KIRREL3: variants seen among roughly 807,000 people sequenced by gnomAD.
KIRREL3 encodes the protein kirre like nephrin family adhesion molecule 3.
Under a neutral mutation model 89.7 loss-of-function variants are expected in KIRREL3, and 36 were observed. The ratio of observed to expected loss-of-function variants is 0.40; its 90% confidence interval spans 0.31 to 0.53. The LOEUF (loss-of-function observed/expected upper bound fraction) is 0.53, where lower values mean the gene tolerates loss of function less well. Among genes scored for constraint, KIRREL3 ranks in the 20% least tolerant of loss-of-function variants. The probability of loss-of-function intolerance (pLI) is 0.49; values close to 1 mark genes in which losing one functional copy is unlikely to be tolerated. For synonymous variants in KIRREL3, 445 were observed against 441.4 expected (o/e 1.01, Z -0.10); for missense variants, 864 against 1,056.6 (o/e 0.82, Z 2.53).
chr11:126,840,151 G>C (rs143893325), intron 1 of KIRREL3, among the ~76,000 whole-genome samples: 4 of 152,332 alleles, frequency 2.6e-5, no homozygotes, highest in Non-Finnish European at 5.9e-5. Flanking sequence ...TGGAGATGCA[G>C]AGTTTGAGCA....
rs1949018494 is a variant in KIRREL3, at chr11:126,742,605, A to T, written c.56-179693T>A. Among the ~76,000 whole-genome samples the T allele has an allele frequency of 6.6e-6, 1 of 152,196 alleles. No individual in the cohort carries two copies. Among genetic ancestry groups the T allele is most frequent in the Non-Finnish European group, 1.5e-5 (1 of 68,024 alleles). On this transcript the variant is annotated intron_variant, in intron 1 of 16. Coordinates refer to ENST00000525144, the MANE Select transcript of KIRREL3 (RefSeq NM_032531.4). This position sits in a 1 kb window ranked among gnomAD's most constrained non-coding sequence, Gnocchi z 5.3. ...AACCAAGGTTCAGAGAGGGCAAGTGACTTGTCAAGGTCACATAGCCAGTAC... is the reference window on the plus strand; with the variant it reads ...AACCAAGGTTCAGAGAGGGCAAGTGTCTTGTCAAGGTCACATAGCCAGTAC...
In KIRREL3 at chr11:126,489,157, A is replaced by G. The variant is rs1056404382; in HGVS notation, c.434-15691T>C. ...GGACCTCAGCATGGGGCTGAGCAGGACGGAAGCTGTAGATGGATGCGCTGC... is the reference window on the plus strand; with the variant it reads ...GGACCTCAGCATGGGGCTGAGCAGGGCGGAAGCTGTAGATGGATGCGCTGC... On this transcript the variant is annotated intron_variant, in intron 4 of 16. Coordinates refer to ENST00000525144, the MANE Select transcript of KIRREL3 (RefSeq NM_032531.4). The surrounding 1 kb of genome is among the most constrained non-coding windows in gnomAD (Gnocchi z 5.5). Among the ~76,000 whole-genome samples, 1 of 152,106 alleles carries G rather than the reference A, an allele frequency of 6.6e-6. No individual in the cohort carries two copies. The highest frequency in any genetic ancestry group is 1.5e-5 in the Non-Finnish European group (1 of 68,016).
rs1288619690 is a variant in KIRREL3, at chr11:126,653,866, A to C, written c.56-90954T>G. Among the ~76,000 whole-genome samples the C allele has an allele frequency of 1.3e-5, 2 of 152,166 alleles. No individual in the cohort carries two copies. The highest frequency in any genetic ancestry group is 2.9e-5 in the Non-Finnish European group (2 of 68,018). ...GAAAATGTCACCTTTGTTCCTCTAT[A>C]GCCATTTTTAGTTGCACCAAAGGGG... is the stretch of plus-strand genomic sequence containing the variant. On this transcript the variant is annotated intron_variant, in intron 1 of 16. Transcript: ENST00000525144. This position sits in a 1 kb window ranked among gnomAD's most constrained non-coding sequence, Gnocchi z 5.4.
At chr11:126,816,345 A>C (rs1332333093) in intron 1 of KIRREL3, among the ~76,000 whole-genome samples, 1 of 152,202 alleles carries the variant, frequency 6.6e-6, no homozygotes, top group Non-Finnish European at 1.5e-5. Context: ...TAAGGGGAAG[A>C]CTTCTTTCCG....
Position 126,697,251 on chromosome 11 carries a change from A to T in KIRREL3, c.56-134339T>A, listed in dbSNP as rs781515527. Among the ~76,000 whole-genome samples, 1 of 152,224 alleles carries T rather than the reference A, an allele frequency of 6.6e-6. No homozygotes were observed. Among genetic ancestry groups the T allele is most frequent in the Non-Finnish European group, 1.5e-5 (1 of 68,038 alleles). On this transcript the variant is annotated intron_variant, in intron 1 of 16. Transcript: ENST00000525144. This position sits in a 1 kb window ranked among gnomAD's most constrained non-coding sequence, Gnocchi z 4.2. ...TGTTTATGCGGGAGATGACAGGACT[A>T]CAAGAAGGCGGGACTTCCTCTATTG...
chr11:126,856,555 G>GTATATATATATATATA (rs36218965), intron 1 of KIRREL3, among the ~76,000 whole-genome samples: 6 of 136,746 alleles, frequency 4.4e-5, no homozygotes, highest in Admixed American at 7.3e-5. Context: ...ATTTTTCTAA[G>GTATATATATATATATA]TATATATATA....
At chr11:126,789,740 C>T (rs1213106456) in intron 1 of KIRREL3, among the ~76,000 whole-genome samples, 1 of 152,134 alleles carries the variant, frequency 6.6e-6, no homozygotes, top group Non-Finnish European at 1.5e-5. Flanking sequence ...GACAGGGTAC[C>T]ATGCACTCTG....
In KIRREL3 at chr11:126,786,872, G is replaced by A. The variant is rs547833448; in HGVS notation, c.55+213583C>T. ...CAGGGCTGAAGCTACTGGCCAGGCC[G>A]TTGGTTGAGATGGAGAGTCTGCAGG... is the stretch of plus-strand genomic sequence containing the variant. On this transcript the variant is annotated intron_variant, in intron 1 of 16. Transcript: ENST00000525144. 3.3e-3 allele frequency among the ~76,000 whole-genome samples: 510 copies of A among 152,286 alleles called. 4 individuals carry two copies. Among genetic ancestry groups the A allele is most frequent in the Non-Finnish European group, 5.9e-3 (400 of 68,026 alleles).
At position 126,501,590 on chromosome 11, in the gene KIRREL3, G is replaced by C. The variant is rs770424073; in HGVS notation, c.433+19725C>G. 3.3e-5 allele frequency among the ~76,000 whole-genome samples: 5 copies of C among 152,190 alleles called. No individual in the cohort carries two copies. Among genetic ancestry groups the C allele is most frequent in the Non-Finnish European group, 5.9e-5 (4 of 68,044 alleles). ...CAGGCTGTTCAACTCCAAGTTCTGG[G>C]CTCTTTAAAATAGGGCAGTTATTAG... On this transcript the variant is annotated intron_variant, in intron 4 of 16. Transcript: ENST00000525144. The surrounding 1 kb of genome is among the most constrained non-coding windows in gnomAD (Gnocchi z 5.8).
intron 1 of KIRREL3, among the ~76,000 whole-genome samples, chr11:126,957,647 T>C (rs1359490160): frequency 6.6e-6 from 1 of 152,154 alleles, no homozygotes; most frequent in Non-Finnish European, 1.5e-5. Flanking sequence ...GTTTCTAAGA[T>C]GAAGGAGGCA....
intron 1 of KIRREL3, among the ~76,000 whole-genome samples, chr11:126,613,118 C>T (rs563038544): frequency 6.6e-6 from 1 of 152,048 alleles, no homozygotes; most frequent in African/African-American, 2.4e-5. Flanking sequence ...TAGTGTCCAC[C>T]CCCTTACATT....
rs1374665114 is a variant in KIRREL3 at position 126,459,240 on chromosome 11, G to A, written c.743-2786C>T. Among the ~76,000 whole-genome samples the A allele has an allele frequency of 6.6e-6, 1 of 152,164 alleles. No homozygotes were observed. Among genetic ancestry groups the A allele is most frequent in the African/African-American group, 2.4e-5 (1 of 41,448 alleles). On this transcript the variant is annotated intron_variant, in intron 6 of 16. Coordinates refer to ENST00000525144, the MANE Select transcript of KIRREL3 (RefSeq NM_032531.4). This position sits in a 1 kb window ranked among gnomAD's most constrained non-coding sequence, Gnocchi z 4.8. ...TCCAGGAGGCCCTTCCCTCACCTGGGGGTCTTTTCTAAAGTGATGAGGTCT... is the reference window on the plus strand; with the variant it reads ...TCCAGGAGGCCCTTCCCTCACCTGGAGGTCTTTTCTAAAGTGATGAGGTCT...
At position 126,463,247 on chromosome 11, in the gene KIRREL3, C is replaced by T; in HGVS notation, c.652G>A (p.Asp218Asn). 1.2e-6 allele frequency: 2 copies of T among 1,613,926 alleles called. No individual in the cohort carries two copies. The highest frequency in any genetic ancestry group is 1.7e-6 in the Non-Finnish European group (2 of 1,179,816). Residue 218 changes from aspartate (D) to asparagine (N), a missense_variant, in exon 6 of 17, where the codon GAC becomes AAC. Asp to Asn is a conservative substitution (Grantham distance 23). Transcript: ENST00000525144. This position sits in a 1 kb window ranked among gnomAD's most constrained non-coding sequence, Gnocchi z 5.9. ...ACGATGCTCTGGCCATTCTCCACGT[C>T]ACCAGGGGAGATGAAGAGGGTGCTG... The part of the protein sequence containing the change: ...IVSTLFISPG[D>N]VENGQSIVCR...
intron 6 of KIRREL3, among the ~76,000 whole-genome samples, chr11:126,460,217 T>TGAAG: frequency 6.6e-6 from 1 of 152,206 alleles, no homozygotes; most frequent in East Asian, 1.9e-4. Context: ...GACAAATGGA[T>TGAAG]GAAGATCCCT....
Position 126,521,346 on chromosome 11 carries a change from G to C in KIRREL3, c.402C>G (p.Ile134Met). ...VYECQAIQAA[I>M]RSRPARLTVL... ...CTGTGAGGCGTGCGGGGCGGGAGCG[G>C]ATGGCGGCCTGGATGGCCTGGCACT... The change falls in exon 4 of 17, where the codon ATC (isoleucine) becomes ATG (methionine). Residue 134 changes from isoleucine to methionine, a missense_variant. By Grantham distance (10) the Ile-to-Met change is conservative. Coordinates refer to ENST00000525144, the MANE Select transcript of KIRREL3 (RefSeq NM_032531.4). This position sits in a 1 kb window ranked among gnomAD's most constrained non-coding sequence, Gnocchi z 4.1. 6.4e-7 allele frequency: 1 copy of C among 1,553,430 alleles called. No homozygotes were observed. Among genetic ancestry groups the C allele is most frequent in the Non-Finnish European group, 8.7e-7 (1 of 1,148,016 alleles).
At chr11:126,506,315 G>A (rs186827821) in intron 4 of KIRREL3, among the ~76,000 whole-genome samples, 1,913 of 152,180 alleles carry the variant, frequency 0.013, 25 homozygotes, top group Middle Eastern at 0.048. Flanking sequence ...TAAACGAAAA[G>A]GCAAACTACA....
At chr11:126,871,802 C>T (rs1945118238) in intron 1 of KIRREL3, among the ~76,000 whole-genome samples, 2 of 152,138 alleles carry the variant, frequency 1.3e-5, no homozygotes, top group African/African-American at 4.8e-5. Flanking sequence ...CTGAAACCAG[C>T]TATACTTTCA....
chr11:126,698,184 C>T (rs562505390), intron 1 of KIRREL3, among the ~76,000 whole-genome samples: 3 of 152,294 alleles, frequency 2.0e-5, no homozygotes, highest in East Asian at 1.9e-4. Context: ...CTCCCTCCTG[C>T]GTATAATTAC....
At chr11:126,857,132 A>G (rs1443330343) in intron 1 of KIRREL3, among the ~76,000 whole-genome samples, 2 of 152,194 alleles carry the variant, frequency 1.3e-5, no homozygotes, top group Non-Finnish European at 2.9e-5. Context: ...TGCCTCCTCC[A>G]TACACTGAAG....
Sources: gnomAD v4.1 joint callset for allele counts (sites outside exome capture counted in the v4.1 genomes callset) on GRCh38, gnomAD v4.1.1 for gene constraint, Gnocchi (gnomAD v3.1) non-coding constraint, MANE v1.5 for transcripts, NCBI Gene and HGNC (gene_info 2026-07-23, HGNC 2026-07-21) for gene names.